ZDHHC20: variants seen among roughly 807,000 people sequenced by gnomAD.
The protein encoded by ZDHHC20 is palmitoyltransferase ZDHHC20.
Under a neutral mutation model 57.8 loss-of-function variants are expected in ZDHHC20, and 43 were observed. That is an observed-to-expected ratio of 0.74 (90% CI 0.58 to 0.96). The LOEUF (loss-of-function observed/expected upper bound fraction) is 0.96, where lower values mean the gene tolerates loss of function less well. Among genes scored for constraint, ZDHHC20 ranks in the 40% least tolerant of loss-of-function variants. ZDHHC20 has a pLI of 0.00. For synonymous variants in ZDHHC20, 157 were observed against 153.0 expected (o/e 1.03, Z -0.19); for missense variants, 391 against 441.1 (o/e 0.89, Z 1.02).
In ZDHHC20 at chr13:21,383,519, C is replaced by T. The variant is rs561954868; in HGVS notation, c.855-510G>A. Among the ~76,000 whole-genome samples the T allele has an allele frequency of 3.3e-5, 5 of 152,258 alleles. No homozygotes were observed. The East Asian group carries it at 7.7e-4, about 24-fold the overall frequency. ...TTAGCAGTGTGAGAACAGACTAATA[C>T]CTCTATTGCAGACATAAGCCCTTTT... On this transcript the variant is annotated intron_variant, in intron 9 of 12. Transcript: ENST00000400590.
chr13:21,392,729 G>A (rs1280694513), intron 7 of ZDHHC20, among the ~76,000 whole-genome samples: 1 of 152,126 alleles, frequency 6.6e-6, no homozygotes, highest in Non-Finnish European at 1.5e-5. Context: ...AGAACACGAG[G>A]CTGTTCTGCT....
intron 1 of ZDHHC20, among the ~76,000 whole-genome samples, chr13:21,454,423 C>A (rs1287583824): frequency 6.6e-6 from 1 of 152,006 alleles, no homozygotes; most frequent in African/African-American, 2.4e-5. Flanking sequence ...CTGTGCCCAG[C>A]CCAAGAAAAT....
chr13:21,380,663 C>T (rs778597636), intron 11 of ZDHHC20, among the ~76,000 whole-genome samples: 8 of 151,360 alleles, frequency 5.3e-5, no homozygotes, highest in Non-Finnish European at 8.8e-5. Flanking sequence ...ATGGTGGCAA[C>T]CACCTGTAGT....
At chr13:21,434,012 T>C (rs1387519966) in intron 1 of ZDHHC20, among the ~76,000 whole-genome samples, 1 of 152,194 alleles carries the variant, frequency 6.6e-6, no homozygotes, top group Non-Finnish European at 1.5e-5. Context: ...TTCTAGTAGC[T>C]TGTTTGCAGT....
chr13:21,446,437 T>C (rs552083455), intron 1 of ZDHHC20, among the ~76,000 whole-genome samples: 2 of 152,342 alleles, frequency 1.3e-5, no homozygotes, highest in South Asian at 2.1e-4. Flanking sequence ...TTTAATAAGT[T>C]TGTGTTTGTT....
At position 21,459,196 on chromosome 13, in the gene ZDHHC20, C is replaced by T; in HGVS notation, c.-25G>A. The T allele has an allele frequency of 6.3e-7, 1 of 1,577,664 alleles. No individual in the cohort carries two copies. The highest frequency in any genetic ancestry group is 1.1e-5 in the South Asian group (1 of 87,032). On this transcript the variant is annotated 5_prime_UTR_variant, in exon 1 of 13. Coordinates refer to ENST00000400590, the MANE Select transcript of ZDHHC20 (RefSeq NM_001330059.2). ...TGTTCCGCTGGCGGCTGCCGAGCCC[C>T]GCGTCCCACCGTTCTGGGGAGCGCG... is the stretch of plus-strand genomic sequence containing the variant.
chr13:21,384,275 A>T (rs1874023256), intron 9 of ZDHHC20, among the ~76,000 whole-genome samples: 1 of 151,890 alleles, frequency 6.6e-6, no homozygotes, highest in African/African-American at 2.4e-5. Flanking sequence ...TGCCATCTCT[A>T]CTAAAACTAC....
chr13:21,455,068 C>G lies in ZDHHC20; in HGVS notation c.118+3986G>C, dbSNP rs573899559. On this transcript the variant is annotated intron_variant, in intron 1 of 12. Coordinates refer to ENST00000400590, the MANE Select transcript of ZDHHC20 (RefSeq NM_001330059.2). ...CCCGAGTAGCTGGGACTACAGGCAC[C>G]CGCCACCACACTCGGCTAATTTTTT... 8.3e-4 allele frequency among the ~76,000 whole-genome samples: 126 copies of G among 152,146 alleles called. 1 individual carries two copies. The highest frequency in any genetic ancestry group is 2.9e-3 in the African/African-American group (121 of 41,502).
intron 3 of ZDHHC20, among the ~76,000 whole-genome samples, chr13:21,420,162 C>A (rs1880489615): frequency 6.6e-6 from 1 of 152,150 alleles, no homozygotes; most frequent in African/African-American, 2.4e-5. Flanking sequence ...TGATGCGTGC[C>A]TGTAATCCCA....
intron 4 of ZDHHC20, among the ~76,000 whole-genome samples, chr13:21,409,858 T>C (rs1177381409): frequency 1.3e-5 from 2 of 152,196 alleles, no homozygotes; most frequent in East Asian, 1.9e-4. Flanking sequence ...CGGAGTTTAT[T>C]ATCCACCTTC....
chr13:21,447,371 T>C (rs917013943), intron 1 of ZDHHC20, among the ~76,000 whole-genome samples: 16 of 148,398 alleles, frequency 1.1e-4, no homozygotes, highest in Non-Finnish European at 2.1e-4. Flanking sequence ...CGCTGCCATC[T>C]CGGCTCACTG....
chr13:21,425,160 A>G (rs1002582771), intron 2 of ZDHHC20, among the ~76,000 whole-genome samples: 2 of 152,160 alleles, frequency 1.3e-5, no homozygotes, highest in Non-Finnish European at 2.9e-5. Flanking sequence ...TGTTATAAAA[A>G]CTTTAGCTTC....
chr13:21,404,112 C>T (rs1566081570), intron 4 of ZDHHC20, among the ~76,000 whole-genome samples: 1 of 152,134 alleles, frequency 6.6e-6, no homozygotes, highest in African/African-American at 2.4e-5. Flanking sequence ...CTAGGAATAA[C>T]TTGAATTATA....
In ZDHHC20 at chr13:21,381,093, G is replaced by A. The variant is rs1873314243; in HGVS notation, c.1060+341C>T. Among the ~76,000 whole-genome samples, 3 of 151,656 alleles carry A rather than the reference G, an allele frequency of 2.0e-5. No individual in the cohort carries two copies. The South Asian group carries it at 6.3e-4, about 32-fold the overall frequency. The stretch of plus-strand genomic sequence containing the variant: ...GCGATCTCAGCTCACTGCAAGCTCC[G>A]CCTCCCGGGTTCAAGCCATTCTCTT... On this transcript the variant is annotated intron_variant, in intron 11 of 12. Transcript: ENST00000400590.
intron 1 of ZDHHC20, among the ~76,000 whole-genome samples, chr13:21,445,175 G>A (rs988694776): frequency 3.3e-5 from 5 of 151,868 alleles, no homozygotes; most frequent in African/African-American, 4.8e-5. Flanking sequence ...GATTTGACTA[G>A]TTATAACAAA....
At chr13:21,426,721 T>G (rs1005480847) in intron 1 of ZDHHC20, among the ~76,000 whole-genome samples, 10 of 151,126 alleles carry the variant, frequency 6.6e-5, no homozygotes, top group African/African-American at 2.2e-4. Flanking sequence ...TTCTCCTGCC[T>G]CAGCTTCCCG....
intron 4 of ZDHHC20, among the ~76,000 whole-genome samples, chr13:21,406,898 G>C (rs1423900044): frequency 6.6e-6 from 1 of 152,194 alleles, no homozygotes. Context: ...TATATACCCA[G>C]TAATAGGATT....
Position 21,394,265 on chromosome 13 carries a change from T to C in ZDHHC20, c.595-2411A>G, listed in dbSNP as rs902600364. Reference sequence around the variant, plus strand: ...TACTGAAACATGGCAGGGACACGTATCATGTTCTCTGGGCCTGAATGCTCT... The same window carrying C: ...TACTGAAACATGGCAGGGACACGTACCATGTTCTCTGGGCCTGAATGCTCT... On this transcript the variant is annotated intron_variant, in intron 7 of 12. Transcript: ENST00000400590. 2.0e-5 allele frequency among the ~76,000 whole-genome samples: 3 copies of C among 152,324 alleles called. No individual in the cohort carries two copies. In the East Asian group the frequency reaches 5.8e-4, roughly 29 times the overall value.
At chr13:21,378,170 G>A (rs374774302) in intron 12 of ZDHHC20, among the ~76,000 whole-genome samples, 145 of 152,006 alleles carry the variant, frequency 9.5e-4, no homozygotes, top group African/African-American at 3.3e-3. Context: ...AGCCTCCCAC[G>A]TAACTGGGAC....
Sources: allele counts gnomAD v4.1 joint callset (sites outside exome capture counted in the v4.1 genomes callset), GRCh38; gene constraint gnomAD v4.1.1; transcripts MANE v1.5; gene names NCBI Gene and HGNC (gene_info 2026-07-23, HGNC 2026-07-21).